IFT56: variants seen among roughly 807,000 people sequenced by gnomAD.
IFT56 encodes the protein intraflagellar transport protein 56.
At chr7:139,142,196 C>T in the IFT56 span, 3 of 1,560,000 alleles carry the variant, frequency 1.9e-6, no homozygotes, top group Non-Finnish European at 2.6e-6. Flanking sequence ...TCATTTCATT[C>T]CTACAAGGGA....
the IFT56 span, among the ~76,000 whole-genome samples, chr7:139,137,254 T>C: frequency 5.4e-4 from 83 of 152,354 alleles, no homozygotes; most frequent in Middle Eastern, 6.8e-3. Flanking sequence ...TTGTTCACAA[T>C]GGACATAAGT....
the IFT56 span, chr7:139,137,782 T>A: frequency 7.3e-7 from 1 of 1,375,428 alleles, no homozygotes; most frequent in South Asian, 1.2e-5. Context: ...CGTAGCATTT[T>A]TTTTTAAACA....
the IFT56 span, chr7:139,168,520 TC>T: frequency 1.4e-6 from 1 of 699,968 alleles, no homozygotes; most frequent in Non-Finnish European, 2.6e-6. Context: ...TTTCTCCATA[TC>T]CCCCAATCCA....
At chr7:139,153,139 A>G in the IFT56 span, among the ~76,000 whole-genome samples, 1 of 138,088 alleles carries the variant, frequency 7.2e-6, no homozygotes, top group African/African-American at 3.0e-5. Flanking sequence ...ACGGAGCAAG[A>G]CTCCGTCTCC....
the IFT56 span, among the ~76,000 whole-genome samples, chr7:139,183,048 G>T: frequency 6.6e-6 from 1 of 152,158 alleles, no homozygotes; most frequent in Non-Finnish European, 1.5e-5. Flanking sequence ...GTTTGGAATT[G>T]CGGGGGATGG....
the IFT56 span, chr7:139,133,945 G>A: frequency 1.5e-4 from 235 of 1,526,764 alleles, no homozygotes; most frequent in Non-Finnish European, 2.0e-4. Flanking sequence ...TCTGTGTGAA[G>A]TCTAGGTGTG....
the IFT56 span, chr7:139,134,854 G>GTGAA: frequency 1.1e-4 from 169 of 1,546,078 alleles, no homozygotes; most frequent in African/African-American, 2.1e-3. Context: ...GAATGCTTGG[G>GTGAA]TGAATGCTGT....
At chr7:139,150,486 C>T in the IFT56 span, among the ~76,000 whole-genome samples, 2 of 152,128 alleles carry the variant, frequency 1.3e-5, no homozygotes, top group African/African-American at 4.8e-5. Context: ...GTTAGGACAT[C>T]AGAGTGTACT....
At chr7:139,159,139 A>G in the IFT56 span, among the ~76,000 whole-genome samples, 3 of 152,132 alleles carry the variant, frequency 2.0e-5, no homozygotes, top group Admixed American at 6.5e-5. Context: ...AGCAGGTACC[A>G]TATGTTTCTA....
At chr7:139,150,646 T>A in the IFT56 span, among the ~76,000 whole-genome samples, 1 of 152,222 alleles carries the variant, frequency 6.6e-6, no homozygotes, top group Non-Finnish European at 1.5e-5. Context: ...TTATGTTTAA[T>A]TATTATAATT....
chr7:139,142,109 C>A, the IFT56 span: 1 of 797,204 alleles, frequency 1.3e-6, no homozygotes, highest in Non-Finnish European at 2.1e-6. Flanking sequence ...AGGTGGACAC[C>A]AGACTCAAAC....
chr7:139,174,144 A>C, the IFT56 span: 1 of 594,460 alleles, frequency 1.7e-6, no homozygotes, highest in East Asian at 4.4e-5. Context: ...TTTCATCAGT[A>C]TCATGAAGCA....
At chr7:139,159,245 T>G in the IFT56 span, among the ~76,000 whole-genome samples, 1 of 152,212 alleles carries the variant, frequency 6.6e-6, no homozygotes, top group Non-Finnish European at 1.5e-5. Flanking sequence ...AGATTTTAAA[T>G]TACCTAATTC....
chr7:139,169,236 A>C, the IFT56 span: 4 of 1,465,606 alleles, frequency 2.7e-6, no homozygotes, highest in African/African-American at 5.6e-5. Flanking sequence ...ATAGTATAAT[A>C]AAATAAAATA....
At chr7:139,167,186 C>T in the IFT56 span, among the ~76,000 whole-genome samples, 1 of 152,054 alleles carries the variant, frequency 6.6e-6, no homozygotes, top group Non-Finnish European at 1.5e-5. Flanking sequence ...ATTTAGAATT[C>T]TGATGAAAAT....
chr7:139,134,588 C>G, the IFT56 span: 6 of 1,495,622 alleles, frequency 4.0e-6, no homozygotes, highest in Non-Finnish European at 5.4e-6. Context: ...AATTACAGAG[C>G]TGTCACTCTC....
the IFT56 span, chr7:139,168,480 C>G: frequency 1.1e-6 from 1 of 941,844 alleles, no homozygotes; most frequent in Admixed American, 1.8e-5. Flanking sequence ...AAAGTGCAAG[C>G]AGCAATAGGC....
the IFT56 span, among the ~76,000 whole-genome samples, chr7:139,151,915 G>T: frequency 7.9e-5 from 12 of 152,106 alleles, no homozygotes; most frequent in Non-Finnish European, 1.8e-4. Context: ...TACAAAATTA[G>T]CTGGGCATGG....
At chr7:139,163,622 G>A in the IFT56 span, among the ~76,000 whole-genome samples, 3 of 152,242 alleles carry the variant, frequency 2.0e-5, no homozygotes, top group Admixed American at 2.0e-4. Flanking sequence ...GAGAAAAATA[G>A]GGCACTATCC....
Sources: allele counts gnomAD v4.1 joint callset (sites outside exome capture counted in the v4.1 genomes callset), GRCh38; gene constraint gnomAD v4.1.1; transcripts MANE v1.5; gene names NCBI Gene and HGNC (gene_info 2026-07-23, HGNC 2026-07-21).